Variants in SOX5 observed in about 807,000 individuals in gnomAD.
SOX5 encodes transcription factor SOX-5.
Under a neutral mutation model 92.0 loss-of-function variants are expected in SOX5, and 9 were observed. The ratio of observed to expected loss-of-function variants is 0.10; its 90% CI spans 0.06 to 0.17. The LOEUF (loss-of-function observed/expected upper bound fraction) is 0.17. Ranked by LOEUF, SOX5 falls within the 10% of genes least tolerant of loss-of-function variation. SOX5 has a pLI of 1.00. For missense variants in SOX5, 642 were observed against 944.5 expected (o/e 0.68, Z 4.20); for synonymous variants, 344 against 336.3 (o/e 1.02, Z -0.25).
At chr12:23,550,728 G>A (rs539113652) in intron 11 of SOX5, among the ~76,000 whole-genome samples, 5 of 151,744 alleles carry the variant, frequency 3.3e-5, no homozygotes, top group Admixed American at 6.6e-5. Context: ...CAGACTGTAA[G>A]TCTAGTACAT....
chr12:24,348,060 A>C (rs1014382596), intron 2 of SOX5, among the ~76,000 whole-genome samples: 1 of 146,644 alleles, frequency 6.8e-6, no homozygotes, highest in South Asian at 2.1e-4. Flanking sequence ...AAAAAAAAAA[A>C]AAAAAAAAAA....
intron 3 of SOX5, among the ~76,000 whole-genome samples, chr12:23,759,727 AAT>A (rs2094512635): frequency 6.6e-6 from 1 of 152,116 alleles, no homozygotes; most frequent in African/African-American, 2.4e-5. Flanking sequence ...TTAACGTGTG[AAT>A]ATGAGTAAAG....
chr12:24,557,140 C>T (rs952540009), intron 1 of SOX5, among the ~76,000 whole-genome samples: 26 of 151,978 alleles, frequency 1.7e-4, no homozygotes, highest in African/African-American at 6.0e-4. Context: ...CTTGTAATCC[C>T]AGCACTTTGG....
chr12:24,149,579 T>A (rs540432710), intron 4 of SOX5, among the ~76,000 whole-genome samples: 46 of 152,336 alleles, frequency 3.0e-4, no homozygotes, highest in African/African-American at 1.1e-3. Context: ...GGAAATACTA[T>A]TGTATTCTCC....
intron 1 of SOX5, among the ~76,000 whole-genome samples, chr12:23,909,444 C>T (rs543237217): frequency 6.6e-6 from 1 of 152,214 alleles, no homozygotes; most frequent in African/African-American, 2.4e-5. Flanking sequence ...ACCCATATCA[C>T]CACAAAATCT....
chr12:24,118,505 C>A (rs1369031977), intron 4 of SOX5, among the ~76,000 whole-genome samples: 1 of 151,830 alleles, frequency 6.6e-6, no homozygotes, highest in Non-Finnish European at 1.5e-5. Flanking sequence ...AGACGAGAAA[C>A]TACTAAAGGT....
rs1963889035 is a variant in SOX5 at position 24,233,760 on chromosome 12, A to T, written c.-76-20343T>A. Among the ~76,000 whole-genome samples the T allele has an allele frequency of 3.3e-5, 5 of 152,360 alleles. No individual in the cohort carries two copies. In the South Asian group the frequency reaches 1.0e-3, roughly 32 times the overall value. On this transcript the variant is annotated intron_variant, in intron 3 of 4. Coordinates refer to the SOX5 transcript ENST00000446891. ...ATTGGGATATGATGCAGCCAGCACA[A>T]GGAAGACCTATGTGCATATTTGGCA...
At chr12:24,381,731 C>T (rs976751606) in intron 1 of SOX5, among the ~76,000 whole-genome samples, 2 of 152,200 alleles carry the variant, frequency 1.3e-5, no homozygotes, top group African/African-American at 4.8e-5. Context: ...TACAGTGACC[C>T]ACACATAGTT....
chr12:24,232,898 C>T (rs1402984772), intron 3 of SOX5, among the ~76,000 whole-genome samples: 1 of 152,168 alleles, frequency 6.6e-6, no homozygotes, highest in African/African-American at 2.4e-5. Context: ...CTATGCCCAC[C>T]CTTCCACATG....
chr12:24,212,912 T>G (rs1332819548), intron 4 of SOX5, among the ~76,000 whole-genome samples: 2 of 152,172 alleles, frequency 1.3e-5, no homozygotes, highest in African/African-American at 4.8e-5. Context: ...ACAGAGTACA[T>G]GGCAGAGAAG....
chr12:24,085,842 C>T (rs942415182), intron 4 of SOX5, among the ~76,000 whole-genome samples: 4 of 151,846 alleles, frequency 2.6e-5, no homozygotes, highest in African/African-American at 9.7e-5. Flanking sequence ...AAATATCCCT[C>T]CCTCTGACAC....
intron 4 of SOX5, among the ~76,000 whole-genome samples, chr12:24,062,638 G>C (rs1179362461): frequency 6.6e-6 from 1 of 152,198 alleles, no homozygotes; most frequent in Non-Finnish European, 1.5e-5. Context: ...GTCCTGAAGT[G>C]TTAGAGCTTG....
intron 1 of SOX5, among the ~76,000 whole-genome samples, chr12:24,534,051 G>A (rs1461807686): frequency 1.3e-5 from 2 of 152,112 alleles, no homozygotes; most frequent in African/African-American, 4.8e-5. Context: ...AAAAGATACT[G>A]TGAAAACAAA....
intron 4 of SOX5, among the ~76,000 whole-genome samples, chr12:23,990,514 G>T (rs547805939): frequency 6.6e-6 from 1 of 152,066 alleles, no homozygotes; most frequent in East Asian, 1.9e-4. Context: ...TTTTAACTAC[G>T]ATGTATTTTG....
intron 4 of SOX5, among the ~76,000 whole-genome samples, chr12:24,119,921 C>T (rs1382134700): frequency 2.6e-5 from 4 of 152,118 alleles, no homozygotes; most frequent in Non-Finnish European, 4.4e-5. Flanking sequence ...GGAAGTTATA[C>T]AGTATATAGT....
intron 4 of SOX5, among the ~76,000 whole-genome samples, chr12:23,976,078 T>C (rs185080076): frequency 5.9e-5 from 9 of 152,198 alleles, no homozygotes; most frequent in Non-Finnish European, 1.0e-4. Flanking sequence ...TGTATTTGAC[T>C]CTCTTGAGAC....
rs191763270 is a variant in SOX5, at chr12:23,800,384, C to T, written c.482-44660G>A. Among the ~76,000 whole-genome samples, 21 of 152,188 alleles carry T rather than the reference C, an allele frequency of 1.4e-4. No homozygotes were observed. In the East Asian group the frequency reaches 3.7e-3, roughly 27 times the overall value. On this transcript the variant is annotated intron_variant, in intron 3 of 14. Transcript: ENST00000451604. ...ACCCAATACCCAAACACACTAACTC[C>T]ATACATATTTGCTAGCATATGAATG...
chr12:24,131,477 G>T (rs1052264728), intron 4 of SOX5, among the ~76,000 whole-genome samples: 1 of 152,024 alleles, frequency 6.6e-6, no homozygotes, highest in African/African-American at 2.4e-5. Context: ...CCCAATGATT[G>T]TTCATTGAAC....
intron 1 of SOX5, among the ~76,000 whole-genome samples, chr12:24,440,135 G>T (rs1186931916): frequency 1.3e-5 from 2 of 152,140 alleles, no homozygotes; most frequent in African/African-American, 4.8e-5. Flanking sequence ...GTCTTCCTTG[G>T]CTGGGACTTA....
Sources: gnomAD v4.1 joint callset for allele counts (sites outside exome capture counted in the v4.1 genomes callset) on GRCh38, gnomAD v4.1.1 for gene constraint, MANE v1.5 for transcripts, NCBI Gene and HGNC (gene_info 2026-07-23, HGNC 2026-07-21) for gene names.